Variants in HPN observed in about 807,000 individuals in gnomAD.
HPN encodes hepsin, also known as serine protease hepsin.
Under a neutral mutation model 55.9 loss-of-function variants are expected in HPN, and 13 were observed. The observed-to-expected ratio is 0.23, with a 90% CI of 0.15 to 0.37. The LOEUF (loss-of-function observed/expected upper bound fraction) is 0.37, where lower values mean the gene tolerates loss of function less well. Ranked by LOEUF, HPN falls within the 10% of genes least tolerant of loss-of-function variation. The probability of loss-of-function intolerance (pLI) is 1.00; values close to 1 mark genes in which losing one functional copy is unlikely to be tolerated. For missense variants in HPN, 451 were observed against 575.8 expected (o/e 0.78, Z 2.22); for synonymous variants, 225 against 240.3 (o/e 0.94, Z 0.59).
At position 35,059,979 on chromosome 19, in the gene HPN, G is replaced by T; in HGVS notation, c.396G>T (p.Leu132=). 1 of 1,568,516 alleles carries T rather than the reference G, an allele frequency of 6.4e-7. No individual in the cohort carries two copies. The highest frequency in any genetic ancestry group is 1.2e-5 in the South Asian group (1 of 82,928). ...EGRLPHTQRL[L]EVISVCDCPR... ...GGCTGCCCCACACCCAGAGGCTGCT[G>T]GAGGTCATCTCCGTGTGGTGAGGAG... The change falls in exon 6 of 13, where the codon CTG becomes CTT. Residue 132 remains leucine (L), a synonymous_variant. Coordinates refer to ENST00000672452, the MANE Select transcript of HPN (RefSeq NM_001384133.1).
At chr19:35,062,510 T>G (rs1329533892) in intron 9 of HPN, among the ~76,000 whole-genome samples, 1 of 152,206 alleles carries the variant, frequency 6.6e-6, no homozygotes, top group Non-Finnish European at 1.5e-5. Flanking sequence ...GAGACTCACT[T>G]AGGTGCCAAC....
At chr19:35,060,894 C>T in intron 9 of HPN, 77 bp downstream of exon 9, 2 of 1,262,060 alleles carry the variant, frequency 1.6e-6, no homozygotes, top group Non-Finnish European at 2.2e-6. Flanking sequence ...GGGCACAAGG[C>T]AATCAACTTA....
chr19:35,044,014 GA>G, intron 2 of HPN, among the ~76,000 whole-genome samples: 1 of 152,224 alleles, frequency 6.6e-6, no homozygotes, highest in Non-Finnish European at 1.5e-5. Context: ...GAAGGGTTCC[GA>G]TTCTGCACTT....
upstream of HPN, among the ~76,000 whole-genome samples, chr19:35,041,367 G>A (rs2064291472): frequency 6.6e-6 from 1 of 152,138 alleles, no homozygotes; most frequent in Non-Finnish European, 1.5e-5. Flanking sequence ...CCAGGACCTG[G>A]GGCTGGAGGA....
At chr19:35,055,907 G>A (rs1408367783) in intron 4 of HPN, among the ~76,000 whole-genome samples, 1 of 152,046 alleles carries the variant, frequency 6.6e-6, no homozygotes, top group Non-Finnish European at 1.5e-5. Flanking sequence ...GTCAGGTCAG[G>A]GCCCTCCCCT....
chr19:35,044,440 C>T (rs182366546), intron 2 of HPN, among the ~76,000 whole-genome samples: 5 of 152,198 alleles, frequency 3.3e-5, no homozygotes, highest in African/African-American at 1.2e-4. Flanking sequence ...GGAAGTTGAG[C>T]TGGGTGGGAG....
chr19:35,049,457 C>A lies in HPN; in HGVS notation c.119-18C>A, dbSNP rs781545930. The A allele has an allele frequency of 6.2e-7, 1 of 1,612,914 alleles. No individual in the cohort carries two copies. Among genetic ancestry groups the A allele is most frequent in the Non-Finnish European group, 8.5e-7 (1 of 1,179,456 alleles). Reference sequence around the variant, plus strand: ...GCAGCCTCCAGCCTGCCTGCCCTCACCCCTCCCTTCTCTGCAGTGGCTGTT... The same window carrying A: ...GCAGCCTCCAGCCTGCCTGCCCTCAACCCTCCCTTCTCTGCAGTGGCTGTT... On this transcript the variant is annotated intron_variant, in intron 3 of 12. Coordinates refer to ENST00000672452, the MANE Select transcript of HPN (RefSeq NM_001384133.1).
intron 9 of HPN, among the ~76,000 whole-genome samples, chr19:35,064,340 T>TCTCTC (rs2064574524): frequency 7.1e-6 from 1 of 139,936 alleles, no homozygotes; most frequent in African/African-American, 2.7e-5. Context: ...CTCTCTCTCT[T>TCTCTC]TCTTCTCTCT....
At chr19:35,056,621 G>A (rs2064458092) in intron 4 of HPN, among the ~76,000 whole-genome samples, 1 of 152,054 alleles carries the variant, frequency 6.6e-6, no homozygotes. Flanking sequence ...TCCCAGCCCT[G>A]CCTCATGTCA....
At chr19:35,051,961 A>G (rs111767137) in intron 4 of HPN, among the ~76,000 whole-genome samples, 423 of 152,280 alleles carry the variant, frequency 2.8e-3, no homozygotes, top group African/African-American at 9.0e-3. Context: ...ACAGGCTCCA[A>G]GCCTCCTAGT....
intron 4 of HPN, chr19:35,050,600 T>G: frequency 2.7e-6 from 3 of 1,112,562 alleles, no homozygotes; most frequent in Non-Finnish European, 3.6e-6. Flanking sequence ...GATGAATGAA[T>G]GAATCTTCCC....
intron 2 of HPN, among the ~76,000 whole-genome samples, chr19:35,046,523 G>A (rs941656973): frequency 5.3e-5 from 8 of 152,336 alleles, no homozygotes; most frequent in Non-Finnish European, 1.0e-4. Flanking sequence ...GGGATTACAG[G>A]CATGAGCCAC....
intron 10 of HPN, 89 bp from the exon 11 acceptor site, chr19:35,065,450 G>A (rs1260366118): frequency 6.4e-7 from 1 of 1,567,402 alleles, no homozygotes; most frequent in Non-Finnish European, 8.7e-7. Context: ...TGAGGAGTAG[G>A]GACGCTGAGG....
chr19:35,063,159 C>G (rs1215071526), intron 9 of HPN, among the ~76,000 whole-genome samples: 2 of 152,136 alleles, frequency 1.3e-5, no homozygotes, highest in East Asian at 3.8e-4. Flanking sequence ...CTCTTAAGAT[C>G]CTGTTTTCCA....
At chr19:35,059,833 G>T in intron 5 of HPN, 31 bp downstream of exon 5, 1 of 1,527,590 alleles carries the variant, frequency 6.5e-7, no homozygotes, top group Non-Finnish European at 8.8e-7. Flanking sequence ...GGTGGGAGCC[G>T]GGAGGGGCTG....
intron 2 of HPN, among the ~76,000 whole-genome samples, chr19:35,048,024 G>GAGAAAAA (rs2064359444): frequency 1.5e-5 from 1 of 65,052 alleles, no homozygotes; most frequent in South Asian, 5.3e-4. Flanking sequence ...GAGAGAGAGA[G>GAGAAAAA]AGAAAAAGAA....
At chr19:35,051,670 A>C (rs1184088222) in intron 4 of HPN, among the ~76,000 whole-genome samples, 1 of 141,864 alleles carries the variant, frequency 7.0e-6, no homozygotes, top group African/African-American at 2.5e-5. Context: ...TAGTGTCTAC[A>C]CTTGATTGCT....
chr19:35,050,857 G>A (rs997919056), intron 4 of HPN, among the ~76,000 whole-genome samples: 4 of 150,038 alleles, frequency 2.7e-5, no homozygotes, highest in Non-Finnish European at 5.9e-5. Flanking sequence ...AACTCATTAA[G>A]TCTTCCCAAC....
chr19:35,048,068 GAAA>G (rs1568356362), intron 2 of HPN, among the ~76,000 whole-genome samples: 4,857 of 61,994 alleles, frequency 0.078, 381 homozygotes, highest in African/African-American at 0.26. Flanking sequence ...AAGAAAGAAA[GAAA>G]GAAAGAAAGA....
Sources: allele counts gnomAD v4.1 joint callset (sites outside exome capture counted in the v4.1 genomes callset), GRCh38; gene constraint gnomAD v4.1.1; transcripts MANE v1.5; gene names NCBI Gene and HGNC (gene_info 2026-07-23, HGNC 2026-07-21).